DPY19L4: variants seen among roughly 807,000 people sequenced by gnomAD.
DPY19L4 encodes the protein dpy-19 like 4.
Under a neutral mutation model 102.8 loss-of-function variants are expected in DPY19L4, and 97 were observed. That is an observed-to-expected ratio of 0.94 (90% CI 0.80 to 1.12). The LOEUF is 1.12. Among genes scored for constraint, DPY19L4 ranks in the 50% most tolerant of loss-of-function variants. The pLI is 0.00. For synonymous variants in DPY19L4, 252 were observed against 283.1 expected (o/e 0.89, Z 1.10); for missense variants, 815 against 850.4 (o/e 0.96, Z 0.52).
In DPY19L4 at chr8:94,765,195, T is replaced by C; in HGVS notation, c.883T>C (p.Tyr295His). 6.5e-7 allele frequency: 1 copy of C among 1,527,080 alleles called. No homozygotes were observed. The highest frequency in any genetic ancestry group is 2.3e-5 in the East Asian group (1 of 44,306). The allele number at this position is 1,527,080 out of a possible 1,614,324, so 94.6% of individuals were successfully genotyped here. A position where few individuals can be genotyped will look rare whatever the true frequency, so the allele number is the denominator to read the frequency against. The change falls in exon 9 of 19, where the codon TAT (tyrosine) becomes CAT (histidine). Residue 295 changes from tyrosine to histidine, a missense_variant. Physicochemically the swap from Tyr to His is moderately conservative, Grantham distance 83. Transcript: ENST00000414645. ...TTTGTCACAACAGGTTTATGAAGTT[T>C]ATAAAATCTACATATTTTCCCTCTT... ...VEQSDKVYEV[Y>H]KIYIFSLFLG...
chr8:94,758,079 C>G (rs536429442), intron 7 of DPY19L4, among the ~76,000 whole-genome samples: 8 of 152,170 alleles, frequency 5.3e-5, no homozygotes, highest in African/African-American at 1.9e-4. Context: ...CCACTGCACT[C>G]CAGCCTGAGC....
chr8:94,753,283 G>A (rs143542906), intron 6 of DPY19L4, among the ~76,000 whole-genome samples: 118 of 152,244 alleles, frequency 7.8e-4, no homozygotes, highest in African/African-American at 2.7e-3. Flanking sequence ...ATACATTTAA[G>A]TTTAAAAAGC....
At chr8:94,785,358 CGAACAATT>C (rs1563619314) in intron 17 of DPY19L4, among the ~76,000 whole-genome samples, 1 of 152,116 alleles carries the variant, frequency 6.6e-6, no homozygotes, top group East Asian at 1.9e-4. Context: ...CAGGAACAAT[CGAACAATT>C]CCGCCTACAA....
Position 94,763,487 on chromosome 8 carries a change from C to T in DPY19L4, c.870+1653C>T, listed in dbSNP as rs1187784341. ...TCCTGAGTAGCTGAGACTACAAGTG[C>T]GTGCCACCATGCCCGTCTGATTTTT... On this transcript the variant is annotated intron_variant, in intron 8 of 18. Coordinates refer to ENST00000414645, the MANE Select transcript of DPY19L4 (RefSeq NM_181787.3). 5.4e-5 allele frequency among the ~76,000 whole-genome samples: 8 copies of T among 147,608 alleles called. No homozygotes were observed. In the South Asian group the frequency reaches 8.7e-4, roughly 16 times the overall value.
chr8:94,734,576 C>T, intron 2 of DPY19L4, 54 bp from the exon 3 acceptor site: 1 of 1,531,794 alleles, frequency 6.5e-7, no homozygotes, highest in Non-Finnish European at 8.9e-7. Context: ...TTTTTAATTA[C>T]ATCATATCAA....
intron 13 of DPY19L4, among the ~76,000 whole-genome samples, chr8:94,774,158 G>C (rs766924431): frequency 9.3e-5 from 14 of 151,234 alleles, no homozygotes; most frequent in African/African-American, 3.4e-4. Flanking sequence ...GTGCTCCCAC[G>C]ATATCCTTCC....
chr8:94,793,074 G>A lies in DPY19L4; in HGVS notation c.*3164G>A, dbSNP rs1177316864. The A allele has an allele frequency of 2.6e-5, 4 of 152,204 alleles. No homozygotes were observed. Among genetic ancestry groups the A allele is most frequent in the Non-Finnish European group, 5.9e-5 (4 of 68,030 alleles). The allele number at this position is 152,204 out of a possible 1,614,324, so 9.4% of individuals were successfully genotyped here. The stretch of plus-strand genomic sequence containing the variant: ...CCTAAGGAGTATGCATTGTACTTCA[G>A]TGCTAACTTTTTTCTTCATTTACTT... On this transcript the variant is annotated 3_prime_UTR_variant, in exon 19 of 19. Transcript: ENST00000414645.
chr8:94,745,813 A>G (rs1183627983), intron 6 of DPY19L4, among the ~76,000 whole-genome samples: 1 of 152,080 alleles, frequency 6.6e-6, no homozygotes, highest in Non-Finnish European at 1.5e-5. Context: ...AGAGTGCAAT[A>G]ATGCGATCTT....
intron 16 of DPY19L4, among the ~76,000 whole-genome samples, chr8:94,782,489 G>A (rs1261405754): frequency 2.6e-5 from 4 of 152,028 alleles, no homozygotes; most frequent in African/African-American, 4.8e-5. Context: ...ATAGGGAGAG[G>A]AATTACTGTG....
At position 94,770,661 on chromosome 8, in the gene DPY19L4, G is replaced by A. The variant is rs1276026724; in HGVS notation, c.1454+90G>A. 3.2e-6 allele frequency: 5 copies of A among 1,547,582 alleles called. No individual in the cohort carries two copies. In the East Asian group the frequency reaches 1.2e-4, roughly 36 times the overall value. On this transcript the variant is annotated intron_variant, in intron 13 of 18. Coordinates refer to ENST00000414645, the MANE Select transcript of DPY19L4 (RefSeq NM_181787.3). The stretch of plus-strand genomic sequence containing the variant: ...ACCTGTAATCCCAGCACTTTGGGAG[G>A]CCAAGGCGGGTGGCTCACCTGAGTT...
intron 6 of DPY19L4, among the ~76,000 whole-genome samples, chr8:94,751,664 A>G (rs4351387): frequency 0.14 from 21,101 of 151,030 alleles, 1,580 homozygotes; most frequent in Non-Finnish European, 0.17. Context: ...TGATTTTTGT[A>G]TTTTTAGTAG....
At chr8:94,744,595 T>C (rs1811590827) in intron 6 of DPY19L4, 1 of 455,308 alleles carries the variant, frequency 2.2e-6, no homozygotes, top group Admixed American at 2.3e-5. Context: ...CAATTAACTT[T>C]GCTATTAATT....
At chr8:94,726,824 G>A (rs973508610) in intron 2 of DPY19L4, among the ~76,000 whole-genome samples, 18 of 152,182 alleles carry the variant, frequency 1.2e-4, no homozygotes, top group African/African-American at 4.1e-4. Context: ...CAATTCAGAC[G>A]ATGGGATGTG....
At position 94,731,745 on chromosome 8, in the gene DPY19L4, T is replaced by TTTTG. The variant is rs549123006; in HGVS notation, c.128-2865_128-2862dup. On this transcript the variant is annotated intron_variant, in intron 2 of 18. Transcript: ENST00000414645. ...TAATATCGGATTTATTGCAGAGTGT[T>TTTTG]TTTGTTTGTTTGTTTGTTTGTTTTG... Among the ~76,000 whole-genome samples the TTTTG allele has an allele frequency of 1.5e-3, 227 of 151,690 alleles. 1 individual carries two copies. In the Middle Eastern group the frequency reaches 0.024, roughly 16 times the overall value.
chr8:94,732,172 A>C (rs1352311864), intron 2 of DPY19L4, among the ~76,000 whole-genome samples: 1 of 152,210 alleles, frequency 6.6e-6, no homozygotes, highest in Non-Finnish European at 1.5e-5. Context: ...CATGCTATGC[A>C]AACTATTATG....
chr8:94,755,756 G>A (rs558333451), intron 6 of DPY19L4, among the ~76,000 whole-genome samples: 8 of 152,174 alleles, frequency 5.3e-5, no homozygotes, highest in South Asian at 4.2e-4. Context: ...GTGGTGACGC[G>A]CGCCTGTAAT....
intron 13 of DPY19L4, among the ~76,000 whole-genome samples, chr8:94,777,030 A>G (rs1266399226): frequency 6.6e-6 from 1 of 151,144 alleles, no homozygotes; most frequent in African/African-American, 2.4e-5. Context: ...TTTAGGCTAC[A>G]TTACTAGAAA....
chr8:94,754,741 AATTG>A (rs1317763966), intron 6 of DPY19L4, among the ~76,000 whole-genome samples: 1 of 152,162 alleles, frequency 6.6e-6, no homozygotes, highest in South Asian at 2.1e-4. Context: ...TCTCAATGAA[AATTG>A]ATTGAGGAGA....
intron 6 of DPY19L4, among the ~76,000 whole-genome samples, chr8:94,750,115 C>A (rs1811852911): frequency 6.6e-6 from 1 of 152,124 alleles, no homozygotes; most frequent in Non-Finnish European, 1.5e-5. Context: ...ACCACCACAG[C>A]CAGCTAATTT....
Sources: allele counts gnomAD v4.1 joint callset (sites outside exome capture counted in the v4.1 genomes callset), GRCh38; gene constraint gnomAD v4.1.1; transcripts MANE v1.5; gene names NCBI Gene and HGNC (gene_info 2026-07-23, HGNC 2026-07-21).